The following GSN variants were observed in gnomAD, a reference collection of about 807,000 sequenced individuals.
GSN encodes actin-depolymerizing factor.
A neutral mutation model predicts 85.7 loss-of-function variants in GSN; 56 were observed. The observed-to-expected ratio is 0.65, with a 90% CI of 0.53 to 0.82. The LOEUF (loss-of-function observed/expected upper bound fraction) is 0.82. Ranked by LOEUF, GSN falls within the 40% of genes least tolerant of loss-of-function variation. The pLI, the probability that GSN is intolerant of heterozygous loss-of-function variation, is 0.00. For missense variants in GSN, 857 were observed against 979.8 expected, an observed-to-expected ratio of 0.87 and a Z score of 1.67; for synonymous variants, 373 against 399.1, an observed-to-expected ratio of 0.93 and a Z score of 0.78.
At chr9:121,277,994 C>T (rs1450202617) in intron 1 of GSN, among the ~76,000 whole-genome samples, 1 of 150,796 alleles carries the variant, frequency 6.6e-6, no homozygotes, top group East Asian at 1.9e-4. Context: ...CGGTCTGGCC[C>T]TTTTACAGAA....
chr9:121,234,927 T>G (rs1196779224), intron 5 of GSN, among the ~76,000 whole-genome samples: 1 of 152,184 alleles, frequency 6.6e-6, no homozygotes, highest in Admixed American at 6.5e-5. Flanking sequence ...CAGATGGAGT[T>G]AGTTCCCAGC....
intron 4 of GSN, chr9:121,310,184 A>G (rs2060930255): frequency 5.3e-6 from 1 of 190,024 alleles, no homozygotes; most frequent in African/African-American, 2.4e-5. Context: ...AGGATTTGAC[A>G]GAGCCTTTAT....
At chr9:121,218,200 C>G (rs148875877) in intron 4 of GSN, among the ~76,000 whole-genome samples, 47 of 152,210 alleles carry the variant, frequency 3.1e-4, no homozygotes, top group Non-Finnish European at 6.8e-4. Flanking sequence ...GGTCTGTCAA[C>G]CTGAAATAAA....
intron 6 of GSN, chr9:121,312,895 G>A (rs1036043095): frequency 6.1e-6 from 1 of 164,342 alleles, no homozygotes; most frequent in African/African-American, 2.4e-5. Flanking sequence ...CCAAAATGCT[G>A]GGATTACAAG....
the GSN span, among the ~76,000 whole-genome samples, chr9:121,202,063 C>G: frequency 2.0e-5 from 3 of 152,188 alleles, no homozygotes; most frequent in African/African-American, 7.2e-5. Flanking sequence ...CACGGGCGCT[C>G]GCGCCCGGAG....
chr9:121,301,495 G>A (rs531458388), intron 2 of GSN, among the ~76,000 whole-genome samples: 12 of 152,060 alleles, frequency 7.9e-5, no homozygotes, highest in African/African-American at 2.7e-4. Context: ...GCATAGTATC[G>A]CATGCCTGTA....
At chr9:121,224,321 G>C (rs547400676) in intron 4 of GSN, among the ~76,000 whole-genome samples, 1 of 151,378 alleles carries the variant, frequency 6.6e-6, no homozygotes, top group Non-Finnish European at 1.5e-5. Flanking sequence ...GGATGGTCTC[G>C]ATCTCTTGAC....
At position 121,310,768 on chromosome 9, in the gene GSN, G is replaced by A. The variant is rs958814554; in HGVS notation, c.436G>A (p.Val146Met). 12 of 1,614,082 alleles carry A rather than the reference G, an allele frequency of 7.4e-6. No individual in the cohort carries two copies. Among genetic ancestry groups the A allele is most frequent in the African/African-American group, 1.3e-5 (1 of 74,934 alleles). ...ACTCTTCCAGGTCAAAGGGCGGCGT[G>A]TGGTCCGTGCCACCGAGGTACCTGT... ...QRLFQVKGRRVVRATEVPVSW... is the reference protein window; with the variant it reads ...QRLFQVKGRRMVRATEVPVSW... Residue 146 changes from valine (V) to methionine (M), a missense_variant, in exon 5 of 18, where the codon GTG becomes ATG. Val to Met is a conservative substitution (Grantham distance 21, BLOSUM62 1). Transcript: ENST00000432226.
chr9:121,227,314 A>G (rs568526199), intron 4 of GSN, among the ~76,000 whole-genome samples: 2 of 152,088 alleles, frequency 1.3e-5, no homozygotes, highest in Admixed American at 1.3e-4. Flanking sequence ...GGATTGCTTG[A>G]ACCCAGGAGG....
chr9:121,324,776 T>C (rs4992387), intron 12 of GSN, 132 bp downstream of exon 12: 29,365 of 678,152 alleles, frequency 0.043, 2,125 homozygotes, highest in Admixed American at 0.22. Context: ...CATCCATCCA[T>C]CCATCCATCC....
rs759942878 is a variant in GSN at position 121,317,163 on chromosome 9, A to G, written c.831A>G (p.Ser277=). The G allele has an allele frequency of 9.3e-6, 15 of 1,614,176 alleles. No homozygotes were observed. Among genetic ancestry groups the G allele is most frequent in the Non-Finnish European group, 1.3e-5 (15 of 1,180,002 alleles). ...ENPFAQGALK[S]EDCFILDHGK... is the part of the protein sequence containing the mutation. ...CCTTCGCCCAGGGGGCCCTGAAGTCAGAGGACTGCTTCATCCTGGACCACG... is the reference window on the plus strand; with the variant it reads ...CCTTCGCCCAGGGGGCCCTGAAGTCGGAGGACTGCTTCATCCTGGACCACG... The change falls in exon 8 of 18, where the codon TCA becomes TCG. Residue 277 remains serine (S), a synonymous_variant. Coordinates refer to ENST00000432226, the MANE Select transcript of GSN (RefSeq NM_198252.3).
At chr9:121,251,268 G>A (rs1451771645) in intron 6 of GSN, among the ~76,000 whole-genome samples, 5 of 131,870 alleles carry the variant, frequency 3.8e-5, no homozygotes, top group Admixed American at 8.8e-5. Flanking sequence ...TGCAACCTCC[G>A]TCTCCCGGGT....
At chr9:121,266,229 A>C (rs968652696), upstream of GSN, among the ~76,000 whole-genome samples, 2 of 152,224 alleles carry the variant, frequency 1.3e-5, no homozygotes, top group Non-Finnish European at 2.9e-5. Context: ...GAGTTGGAGC[A>C]GACATTCTCC....
chr9:121,217,966 T>C (rs541705076), intron 4 of GSN, among the ~76,000 whole-genome samples: 81 of 152,164 alleles, frequency 5.3e-4, no homozygotes, highest in Non-Finnish European at 1.0e-3. Context: ...TGGTGTGTGT[T>C]TTCTCTTTTA....
intron 1 of GSN, among the ~76,000 whole-genome samples, chr9:121,275,639 T>C (rs1338141014): frequency 6.6e-6 from 1 of 152,166 alleles, no homozygotes; most frequent in Non-Finnish European, 1.5e-5. Flanking sequence ...AGTACCTGTT[T>C]CTCTTGGAAG....
intron 1 of GSN, 88 bp downstream of exon 1, chr9:121,268,307 C>G (rs1024954441): frequency 6.6e-6 from 1 of 152,214 alleles, no homozygotes; most frequent in African/African-American, 2.4e-5. Context: ...CCGGTCCTAT[C>G]TCGCCCGCGC....
At chr9:121,313,577 C>T (rs1216883952) in intron 6 of GSN, 2 of 344,778 alleles carry the variant, frequency 5.8e-6, no homozygotes, top group South Asian at 2.5e-5. Context: ...ATAATCTGTG[C>T]CTCCTGGCCT....
At chr9:121,314,792 TCTC>T (rs1408062359) in intron 7 of GSN, among the ~76,000 whole-genome samples, 1 of 152,192 alleles carries the variant, frequency 6.6e-6, no homozygotes, top group Non-Finnish European at 1.5e-5. Flanking sequence ...AAAATCAGCC[TCTC>T]CTCCTCATGA....
At chr9:121,307,173 T>C (rs1410559438) in intron 4 of GSN, among the ~76,000 whole-genome samples, 1 of 151,958 alleles carries the variant, frequency 6.6e-6, no homozygotes, top group South Asian at 2.1e-4. Context: ...GGAACGAGAC[T>C]CTGTCTCAAA....
Sources: allele counts gnomAD v4.1 joint callset (sites outside exome capture counted in the v4.1 genomes callset), GRCh38; gene constraint gnomAD v4.1.1; transcripts MANE v1.5; gene names NCBI Gene and HGNC (gene_info 2026-07-23, HGNC 2026-07-21).